RBM18: variants seen among roughly 807,000 people sequenced by gnomAD.
RBM18 encodes probable RNA-binding protein 18.
In RBM18, 18 loss-of-function variants were observed where a neutral mutation model predicts 26.4. The observed-to-expected ratio is 0.68, with a 90% confidence interval of 0.47 to 1.01. The LOEUF (loss-of-function observed/expected upper bound fraction) is 1.01. Ranked by LOEUF, RBM18 falls within the 50% of genes least tolerant of loss-of-function variation. RBM18 has a pLI of 0.00. For synonymous variants in RBM18, 74 were observed against 81.1 expected (o/e 0.91, Z 0.47); for missense variants, 180 against 219.2 (o/e 0.82, Z 1.13).
intron 1 of RBM18, 79 bp from the exon 2 acceptor site, chr9:122,261,587 A>G (rs768207366): frequency 1.0e-6 from 1 of 969,568 alleles, no homozygotes; most frequent in East Asian, 2.4e-5. Context: ...CTCAACAAAC[A>G]TTTATTCAAG....
Position 122,240,820 on chromosome 9 carries a change from C to T in RBM18, c.*1064G>A, listed in dbSNP as rs1346492300. On this transcript the variant is annotated 3_prime_UTR_variant, in exon 6 of 6. Transcript: ENST00000417201. ...CAGTCCTTTAAAACTACCTACCACA[C>T]AGAGTCATTACAGTCTTGGTGCCAC... is the stretch of plus-strand genomic sequence containing the variant. The T allele has an allele frequency of 6.6e-6, 1 of 152,194 alleles. No homozygotes were observed. The highest frequency in any genetic ancestry group is 1.5e-5 in the Non-Finnish European group (1 of 68,028). The allele number at this position is 152,194 out of a possible 1,614,324, so 9.4% of individuals were successfully genotyped here. A position where few individuals can be genotyped will look rare whatever the true frequency, so the allele number is the denominator to read the frequency against.
intron 2 of RBM18, among the ~76,000 whole-genome samples, chr9:122,258,546 T>A (rs1183966734): frequency 6.6e-6 from 1 of 152,092 alleles, no homozygotes; most frequent in Admixed American, 6.5e-5. Flanking sequence ...GGATTACAGG[T>A]GTGAACCACC....
intron 4 of RBM18, among the ~76,000 whole-genome samples, chr9:122,247,110 A>G (rs892304623): frequency 6.6e-6 from 1 of 152,194 alleles, no homozygotes; most frequent in Non-Finnish European, 1.5e-5. Context: ...GAAACTACCC[A>G]TGTCTCAAGC....
intron 3 of RBM18, 76 bp from the exon 4 acceptor site, chr9:122,247,680 C>A: frequency 8.9e-7 from 1 of 1,125,634 alleles, no homozygotes; most frequent in Non-Finnish European, 1.3e-6. Context: ...CAGGGCTTCA[C>A]TAGCTTTGAT....
intron 3 of RBM18, among the ~76,000 whole-genome samples, chr9:122,249,892 GA>G (rs1261645502): frequency 1.3e-5 from 2 of 151,660 alleles, no homozygotes; most frequent in Non-Finnish European, 2.9e-5. Context: ...GCAACATGGT[GA>G]AATGCCATCT....
At position 122,240,268 on chromosome 9, in the gene RBM18, T is replaced by C. The variant is rs1033439906; in HGVS notation, c.*1616A>G. 2.6e-5 allele frequency: 4 copies of C among 152,188 alleles called. No individual in the cohort carries two copies. Among genetic ancestry groups the C allele is most frequent in the Admixed American group, 6.5e-5 (1 of 15,270 alleles). 9.4% of individuals were successfully genotyped at this position (152,188 alleles called of 1,614,324 possible). A position where few individuals can be genotyped will look rare whatever the true frequency, so the allele number is the denominator to read the frequency against. ...TCACCAGAAAAATGGGAGATAATGC[T>C]CCTACCTCTCTGAACTATCCCCCAA... is the stretch of plus-strand genomic sequence containing the variant. On this transcript the variant is annotated 3_prime_UTR_variant, in exon 6 of 6. Transcript: ENST00000417201.
chr9:122,252,008 G>C lies in RBM18; in HGVS notation c.114-35C>G, dbSNP rs112953162. 31 of 1,608,632 alleles carry C rather than the reference G, an allele frequency of 1.9e-5. 2 individuals are homozygous for C. The African/African-American group carries it at 2.3e-4, about 12-fold the overall frequency. ...AAGAAGAGTCCATGAGTATGCTCTG[G>C]GAATTCTGTTGGCCACTCAGCCTGA... is the stretch of plus-strand genomic sequence containing the variant. On this transcript the variant is annotated intron_variant, in intron 2 of 5. Transcript: ENST00000417201.
At chr9:122,260,997 C>T (rs1313822115) in intron 2 of RBM18, among the ~76,000 whole-genome samples, 1 of 152,026 alleles carries the variant, frequency 6.6e-6, no homozygotes, top group Non-Finnish European at 1.5e-5. Flanking sequence ...GTCTCCTCTG[C>T]CTGTTTGCAA....
At chr9:122,249,117 G>GT (rs11339269) in intron 3 of RBM18, among the ~76,000 whole-genome samples, 1 of 152,070 alleles carries the variant, frequency 6.6e-6, no homozygotes, top group Non-Finnish European at 1.5e-5. Flanking sequence ...ATTTTTAAAT[G>GT]TTTTTTTTAA....
rs1185528583 is a variant in RBM18, at chr9:122,240,468, A to T, written c.*1416T>A. 6.6e-6 allele frequency: 1 copy of T among 152,222 alleles called. No individual in the cohort carries two copies. The highest frequency in any genetic ancestry group is 1.5e-5 in the Non-Finnish European group (1 of 68,040). 9.4% of individuals were successfully genotyped at this position (152,222 alleles called of 1,614,324 possible). A position where few individuals can be genotyped will look rare whatever the true frequency, so the allele number is the denominator to read the frequency against. On this transcript the variant is annotated 3_prime_UTR_variant, in exon 6 of 6. Coordinates refer to ENST00000417201, the MANE Select transcript of RBM18 (RefSeq NM_033117.4). ...CTGAAGTTTTGATTCAAATGTCTTAAATTCATTTATACTCATGGGAAGATG... is the reference window on the plus strand; with the variant it reads ...CTGAAGTTTTGATTCAAATGTCTTATATTCATTTATACTCATGGGAAGATG...
At chr9:122,251,599 C>T (rs558487452) in intron 3 of RBM18, among the ~76,000 whole-genome samples, 42 of 152,278 alleles carry the variant, frequency 2.8e-4, no homozygotes, top group African/African-American at 9.4e-4. Flanking sequence ...GTGGGCATCC[C>T]AGTGCATTTG....
In RBM18 at chr9:122,264,762, C is replaced by T. The variant is rs1587986979; in HGVS notation, c.-64G>A. ...CTCAGCTCATGCCCGGAAACCAGGT[C>T]CCGACGCCGCGGTCAGACGGACCTC... On this transcript the variant is annotated 5_prime_UTR_variant, in exon 1 of 6. Transcript: ENST00000417201. 1 of 152,446 alleles carries T rather than the reference C, an allele frequency of 6.6e-6. No homozygotes were observed. The highest frequency in any genetic ancestry group is 3.4e-3 in the Middle Eastern group (1 of 294). 9.4% of individuals were successfully genotyped at this position (152,446 alleles called of 1,614,324 possible). A position where few individuals can be genotyped will look rare whatever the true frequency, so the allele number is the denominator to read the frequency against.
intron 3 of RBM18, among the ~76,000 whole-genome samples, chr9:122,249,190 C>G (rs550536376): frequency 6.6e-6 from 1 of 152,084 alleles, no homozygotes; most frequent in East Asian, 1.9e-4. Context: ...TATTAAATGT[C>G]TACTTTTTTT....
chr9:122,247,879 GGTTCAAGC>G (rs2118956721), intron 3 of RBM18, among the ~76,000 whole-genome samples: 1 of 147,726 alleles, frequency 6.8e-6, no homozygotes, highest in African/African-American at 2.5e-5. Context: ...CCGCCTCCCA[GGTTCAAGC>G]GCTTCCCCTG....
chr9:122,263,025 G>A, intron 1 of RBM18, among the ~76,000 whole-genome samples: 1 of 152,168 alleles, frequency 6.6e-6, no homozygotes. Flanking sequence ...TTTAGGGGCT[G>A]GGAGGACAGC....
At chr9:122,242,493 T>A (rs1178347914) in intron 5 of RBM18, among the ~76,000 whole-genome samples, 1 of 152,192 alleles carries the variant, frequency 6.6e-6, no homozygotes, top group Admixed American at 6.5e-5. Flanking sequence ...GAGATTTGAA[T>A]ACAAACTGAC....
chr9:122,243,582 T>C (rs1253488833), intron 5 of RBM18, among the ~76,000 whole-genome samples: 1 of 152,224 alleles, frequency 6.6e-6, no homozygotes, highest in Non-Finnish European at 1.5e-5. Flanking sequence ...TTTTTTGGCC[T>C]ATGGCTACCT....
chr9:122,263,680 T>C (rs1831878499), intron 1 of RBM18, among the ~76,000 whole-genome samples: 3 of 152,126 alleles, frequency 2.0e-5, no homozygotes, highest in South Asian at 4.1e-4. Flanking sequence ...CGACTATAGA[T>C]TGAGTGGAGG....
chr9:122,247,344 G>A (rs1038612784), intron 4 of RBM18, among the ~76,000 whole-genome samples, 174 bp downstream of exon 4: 7 of 152,048 alleles, frequency 4.6e-5, no homozygotes, highest in African/African-American at 1.5e-4. Flanking sequence ...AATCCCTCCC[G>A]AGATGTTTTC....
Sources: gnomAD v4.1 joint callset for allele counts (sites outside exome capture counted in the v4.1 genomes callset) on GRCh38, gnomAD v4.1.1 for gene constraint, MANE v1.5 for transcripts, NCBI Gene and HGNC (gene_info 2026-07-23, HGNC 2026-07-21) for gene names.